The following GPHN variants were observed in gnomAD, a reference collection of about 807,000 sequenced individuals.
GPHN encodes gephyrin.
Under a neutral mutation model 95.5 loss-of-function variants are expected in GPHN, and 17 were observed. That is an observed-to-expected ratio of 0.18 (90% CI 0.12 to 0.27). The LOEUF is 0.27. GPHN is among the 10% of genes least tolerant of loss of function. The probability of loss-of-function intolerance (pLI) is 1.00; values close to 1 mark genes in which losing one functional copy is unlikely to be tolerated. For missense variants in GPHN, 660 were observed against 978.1 expected, an observed-to-expected ratio of 0.67 and a Z score of 4.34; for synonymous variants, 320 against 322.5, an observed-to-expected ratio of 0.99 and a Z score of 0.08.
chr14:67,691,020 C>T, the GPHN span: 6 of 723,876 alleles, frequency 8.3e-6, no homozygotes, highest in Non-Finnish European at 1.5e-5. Flanking sequence ...CTATTATGCA[C>T]ACATGGTCTA....
intron 18 of GPHN, among the ~76,000 whole-genome samples, chr14:67,147,181 T>C (rs888616616): frequency 6.6e-6 from 1 of 152,276 alleles, no homozygotes; most frequent in Non-Finnish European, 1.5e-5. Context: ...TCAGCTTTGA[T>C]ACTACATAAA....
At chr14:67,605,692 A>T in the GPHN span, among the ~76,000 whole-genome samples, 1,093 of 151,592 alleles carry the variant, frequency 7.2e-3, 11 homozygotes, top group Middle Eastern at 0.027. Context: ...TCTCATATTA[A>T]TTTTTTTTTA....
At chr14:67,692,448 G>A in the GPHN span, 1 of 1,614,050 alleles carries the variant, frequency 6.2e-7, no homozygotes. Context: ...CAGCTAAGAA[G>A]CCCTTAGCAA....
At chr14:67,731,596 TAC>T in the GPHN span, among the ~76,000 whole-genome samples, 2 of 152,016 alleles carry the variant, frequency 1.3e-5, no homozygotes, top group South Asian at 2.1e-4. Flanking sequence ...TAATAAAATA[TAC>T]AGTCATTAAA....
the GPHN span, among the ~76,000 whole-genome samples, chr14:67,325,967 C>A: frequency 1.3e-5 from 2 of 148,964 alleles, no homozygotes; most frequent in Non-Finnish European, 3.0e-5. Context: ...TGCCACCACA[C>A]CCGGCTCTTT....
the GPHN span, among the ~76,000 whole-genome samples, chr14:67,252,964 A>G: frequency 6.6e-6 from 1 of 152,194 alleles, no homozygotes; most frequent in Non-Finnish European, 1.5e-5. Context: ...TTTTTCTACA[A>G]AGACATAACC....
At chr14:66,937,515 G>C (rs1436314979) in intron 8 of GPHN, among the ~76,000 whole-genome samples, 3 of 152,034 alleles carry the variant, frequency 2.0e-5, no homozygotes, top group Admixed American at 6.6e-5. Context: ...CAAGTAGTGG[G>C]ATTACAGGCA....
intron 1 of GPHN, among the ~76,000 whole-genome samples, chr14:66,609,782 A>G (rs1797178862): frequency 6.6e-6 from 1 of 152,108 alleles, no homozygotes; most frequent in Non-Finnish European, 1.5e-5. Context: ...CAATTTTAGA[A>G]GTTCAGTTCG....
intron 8 of GPHN, among the ~76,000 whole-genome samples, chr14:66,959,287 A>G (rs1033409347): frequency 5.3e-5 from 8 of 151,970 alleles, no homozygotes; most frequent in Admixed American, 5.2e-4. Flanking sequence ...AGAGTTCTGT[A>G]TTTCTTCATG....
intron 9 of GPHN, among the ~76,000 whole-genome samples, chr14:66,988,416 G>A (rs2071170121): frequency 6.6e-6 from 1 of 151,794 alleles, no homozygotes; most frequent in South Asian, 2.1e-4. Context: ...GGATGTGAGG[G>A]GTATATCCTT....
intron 9 of GPHN, among the ~76,000 whole-genome samples, chr14:66,978,960 C>T (rs1373604682): frequency 6.6e-6 from 1 of 152,134 alleles, no homozygotes; most frequent in South Asian, 2.1e-4. Context: ...CCAATCAGAG[C>T]TCTTGGATGA....
chr14:66,578,389 G>A (rs555426301), intron 1 of GPHN, among the ~76,000 whole-genome samples: 1 of 151,904 alleles, frequency 6.6e-6, no homozygotes, highest in African/African-American at 2.4e-5. Context: ...GAAAGGAGTA[G>A]TGAATGTATT....
chr14:67,500,697 G>A, the GPHN span, among the ~76,000 whole-genome samples: 2 of 148,962 alleles, frequency 1.3e-5, no homozygotes, highest in Non-Finnish European at 3.0e-5. Context: ...TCAGCTTCCC[G>A]AGTAGCTGAG....
the GPHN span, among the ~76,000 whole-genome samples, chr14:67,285,366 AT>A: frequency 3.7e-3 from 512 of 137,792 alleles, 2 homozygotes; most frequent in African/African-American, 6.5e-3. Flanking sequence ...CCTTAGGTAA[AT>A]TTTTTTTTTT....
chr14:67,537,599 G>A, the GPHN span, among the ~76,000 whole-genome samples: 1 of 151,886 alleles, frequency 6.6e-6, no homozygotes, highest in African/African-American at 2.4e-5. Context: ...TGGGAAAGTT[G>A]TGGCTTCAGT....
At chr14:66,896,848 G>A (rs2064879620) in intron 5 of GPHN, among the ~76,000 whole-genome samples, 2 of 151,942 alleles carry the variant, frequency 1.3e-5, no homozygotes, top group East Asian at 1.9e-4. Flanking sequence ...GAAGGCATAT[G>A]TATTGGTTAA....
chr14:67,396,121 G>A, the GPHN span, among the ~76,000 whole-genome samples: 2 of 151,940 alleles, frequency 1.3e-5, no homozygotes, highest in African/African-American at 4.8e-5. Flanking sequence ...TTCCCATCCA[G>A]GTCGCTTTGT....
rs2057879977 is a variant in GPHN, at chr14:66,508,475, C to G, written c.-53C>G. On this transcript the variant is annotated 5_prime_UTR_variant, in exon 1 of 23. Transcript: ENST00000478722. The stretch of plus-strand genomic sequence containing the variant: ...CGAGCGCGCTCCCGGCCCGCGCGCT[C>G]CGGGCTCCGGTTTCTCCCGGCTCCT... 3.2e-6 allele frequency: 5 copies of G among 1,571,574 alleles called. No homozygotes were observed. Among genetic ancestry groups the G allele is most frequent in the South Asian group, 2.2e-5 (2 of 90,276 alleles).
chr14:67,430,720 T>G, the GPHN span, among the ~76,000 whole-genome samples: 1 of 152,080 alleles, frequency 6.6e-6, no homozygotes, highest in Non-Finnish European at 1.5e-5. Flanking sequence ...GGACATTGAC[T>G]TGATGAAAGG....
Sources: allele counts gnomAD v4.1 joint callset (sites outside exome capture counted in the v4.1 genomes callset), GRCh38; gene constraint gnomAD v4.1.1; transcripts MANE v1.5; gene names NCBI Gene and HGNC (gene_info 2026-07-23, HGNC 2026-07-21).